The following DUSP12 variants were observed in gnomAD, a reference collection of about 807,000 sequenced individuals.
DUSP12 encodes the protein dual specificity protein phosphatase 12.
Under a neutral mutation model 38.9 loss-of-function variants are expected in DUSP12, and 25 were observed. The observed-to-expected ratio is 0.64, with a 90% CI of 0.47 to 0.90. The LOEUF is 0.90. DUSP12 is among the 40% of genes least tolerant of loss of function. The pLI, the probability that DUSP12 is intolerant of heterozygous loss-of-function variation, is 0.00. For synonymous variants in DUSP12, 153 were observed against 153.9 expected (o/e 0.99, Z 0.05); for missense variants, 403 against 427.0 (o/e 0.94, Z 0.50).
Position 161,752,406 on chromosome 1 carries a change from C to G in DUSP12, c.616C>G (p.Pro206Ala), listed in dbSNP as rs1304980369. 1 of 1,612,798 alleles carries G rather than the reference C, an allele frequency of 6.2e-7. No individual in the cohort carries two copies. Among genetic ancestry groups the G allele is most frequent in the Non-Finnish European group, 8.5e-7 (1 of 1,179,208 alleles). Residue 206 changes from proline to alanine, a missense_variant, in exon 4 of 6, where the codon CCA (proline) becomes GCA (alanine). Transcript: ENST00000367943. ...ACCTCAAGAACTCTTTGCTGTTGAC[C>G]CAACTACCGTTTCACAAGGATTGAA... ...NLPQELFAVD[P>A]TTVSQGLKDE... is the part of the protein sequence containing the mutation.
At chr1:161,752,663 A>G (rs548747307) in intron 4 of DUSP12, among the ~76,000 whole-genome samples, 199 bp downstream of exon 4, 1 of 152,356 alleles carries the variant, frequency 6.6e-6, no homozygotes, top group Admixed American at 6.5e-5. Flanking sequence ...TAAGTAGTGT[A>G]ATCAATGTTA....
intron 4 of DUSP12, 129 bp from the exon 5 acceptor site, chr1:161,752,946 C>T (rs1684048419): frequency 1.4e-5 from 12 of 878,954 alleles, no homozygotes; most frequent in East Asian, 1.1e-4. Context: ...GCCATGATCA[C>T]GCCACTGCAC....
At chr1:161,753,401 A>G in intron 5 of DUSP12, 140 bp downstream of exon 5, 1 of 661,018 alleles carries the variant, frequency 1.5e-6, no homozygotes. Context: ...TTTCTAGTGT[A>G]GATAAGACTA....
chr1:161,756,657 T>G, intron 5 of DUSP12, 129 bp from the exon 6 acceptor site: 1 of 997,110 alleles, frequency 1.0e-6, no homozygotes, highest in Non-Finnish European at 1.5e-6. Context: ...GCATTTTATC[T>G]CACTGATTAG....
At chr1:161,750,548 G>A (rs1684002848) in intron 1 of DUSP12, among the ~76,000 whole-genome samples, 1 of 152,178 alleles carries the variant, frequency 6.6e-6, no homozygotes, top group Non-Finnish European at 1.5e-5. Context: ...GTTTTTGTTT[G>A]GGATGGGTGG....
intron 1 of DUSP12, 92 bp downstream of exon 1, chr1:161,750,237 AGCGCGGTCATGCC>A (rs939344776): frequency 2.0e-5 from 28 of 1,407,616 alleles, no homozygotes; most frequent in Admixed American, 7.1e-5. Flanking sequence ...GGAGGACAAG[AGCGCGGTCATGCC>A]GCGTGAACCT....
In DUSP12 at chr1:161,751,771, C is replaced by G. The variant is rs1490859722; in HGVS notation, c.448C>G (p.Pro150Ala). 1 of 1,612,226 alleles carries G rather than the reference C, an allele frequency of 6.2e-7. No individual in the cohort carries two copies. ...KAYEKLQILK[P>A]EAKMNEGFEW... ...CTATGAAAAGCTCCAGATTCTCAAA[C>G]CAGAGGCTAAGTGGGTTCTTTTTTT... Residue 150 changes from proline to alanine, a missense_variant, in exon 2 of 6, where the codon CCA (proline) becomes GCA (alanine). By Grantham distance (27) the Pro-to-Ala change is conservative. Coordinates refer to ENST00000367943, the MANE Select transcript of DUSP12 (RefSeq NM_007240.3).
chr1:161,756,726 G>T, intron 5 of DUSP12, 60 bp from the exon 6 acceptor site: 1 of 1,572,866 alleles, frequency 6.4e-7, no homozygotes. Context: ...GATTGCCAAA[G>T]ATAATGATTT....
At chr1:161,755,341 A>AT (rs1370961903) in intron 5 of DUSP12, among the ~76,000 whole-genome samples, 7 of 152,052 alleles carry the variant, frequency 4.6e-5, no homozygotes, top group South Asian at 2.1e-4. Flanking sequence ...TACATATTTG[A>AT]TTTTTTTCTG....
chr1:161,751,731 T>G lies in DUSP12; in HGVS notation c.408T>G (p.Leu136=). ...ITAFLMKTDQ[L]PFEKAYEKLQ... is the part of the protein sequence containing the mutation. ...CTTTTCTCATGAAGACTGACCAACT[T>G]CCCTTTGAAAAAGCCTATGAAAAGC... Residue 136 remains leucine (L), a synonymous_variant, in exon 2 of 6, where the codon CTT becomes CTG. Coordinates refer to ENST00000367943, the MANE Select transcript of DUSP12 (RefSeq NM_007240.3). 1 of 1,613,646 alleles carries G rather than the reference T, an allele frequency of 6.2e-7. No homozygotes were observed. Among genetic ancestry groups the G allele is most frequent in the Non-Finnish European group, 8.5e-7 (1 of 1,179,870 alleles).
intron 1 of DUSP12, chr1:161,751,440 A>G: frequency 2.2e-6 from 1 of 458,982 alleles, no homozygotes; most frequent in Non-Finnish European, 3.7e-6. Context: ...AATTTTAAAA[A>G]TTACTGTTAT....
At chr1:161,754,682 A>G (rs768222602) in intron 5 of DUSP12, among the ~76,000 whole-genome samples, 70 of 152,206 alleles carry the variant, frequency 4.6e-4, no homozygotes, top group Non-Finnish European at 8.4e-4. Context: ...ATGAGTGCTC[A>G]TTCACTATCA....
In DUSP12 at chr1:161,749,831, C is replaced by T. The variant is rs771949809; in HGVS notation, c.30C>T (p.Gly10=). MLEAPGPSD[G]CELSNPSASR... ...TGGAGGCTCCGGGCCCGAGTGATGG[C>T]TGCGAGCTCAGCAACCCCAGCGCCA... Residue 10 remains glycine (G), a synonymous_variant, in exon 1 of 6, where the codon GGC becomes GGT. Transcript: ENST00000367943. 3.8e-6 allele frequency: 6 copies of T among 1,591,054 alleles called. No individual in the cohort carries two copies. Among genetic ancestry groups the T allele is most frequent in the Non-Finnish European group, 5.1e-6 (6 of 1,169,358 alleles).
chr1:161,752,989 C>CAAAAAAAAAA, intron 4 of DUSP12, 86 bp from the exon 5 acceptor site: 1 of 1,189,384 alleles, frequency 8.4e-7, no homozygotes, highest in Non-Finnish European at 1.2e-6. Flanking sequence ...GACTCTGTCT[C>CAAAAAAAAAA]AAAAAAAAAA....
Position 161,751,736 on chromosome 1 carries a change from T to G in DUSP12, c.413T>G (p.Phe138Cys), listed in dbSNP as rs754085365. 1 of 1,613,530 alleles carries G rather than the reference T, an allele frequency of 6.2e-7. No individual in the cohort carries two copies. The highest frequency in any genetic ancestry group is 1.1e-5 in the South Asian group (1 of 90,908). The change falls in exon 2 of 6, where the codon TTT becomes TGT. Residue 138 changes from phenylalanine to cysteine, a missense_variant. Physicochemically the swap from Phe to Cys is radical, Grantham distance 205. Transcript: ENST00000367943. ...CTCATGAAGACTGACCAACTTCCCT[T>G]TGAAAAAGCCTATGAAAAGCTCCAG... ...AFLMKTDQLP[F>C]EKAYEKLQIL...
intron 5 of DUSP12, among the ~76,000 whole-genome samples, chr1:161,756,483 CTATATATATA>C (rs10527814): frequency 0.056 from 7,040 of 124,652 alleles, 319 homozygotes; most frequent in Non-Finnish European, 0.082. Context: ...GATTTAAAAG[CTATATATATA>C]TATATATATA....
At chr1:161,751,570 TG>T in intron 1 of DUSP12, 97 bp from the exon 2 acceptor site, 1 of 1,420,038 alleles carries the variant, frequency 7.0e-7, no homozygotes, top group Non-Finnish European at 9.4e-7. Flanking sequence ...AAAAATGAAG[TG>T]GGCCTAAACT....
intron 4 of DUSP12, 66 bp from the exon 5 acceptor site, chr1:161,753,009 C>T (rs1684050993): frequency 1.4e-6 from 2 of 1,446,034 alleles, no homozygotes; most frequent in African/African-American, 1.5e-5. Context: ...AGAAATACCG[C>T]ACATTTCATC....
intron 1 of DUSP12, 56 bp from the exon 2 acceptor site, chr1:161,751,612 G>GTGT: frequency 1.6e-6 from 2 of 1,214,186 alleles, no homozygotes; most frequent in Middle Eastern, 2.2e-4. Context: ...GGCTTTGTGT[G>GTGT]TTTTTTTTTT....
Sources: gnomAD v4.1 joint callset for allele counts (sites outside exome capture counted in the v4.1 genomes callset) on GRCh38, gnomAD v4.1.1 for gene constraint, MANE v1.5 for transcripts, NCBI Gene and HGNC (gene_info 2026-07-23, HGNC 2026-07-21) for gene names.